The following HTR1F variants were observed in gnomAD, a reference collection of about 807,000 sequenced individuals.
The protein encoded by HTR1F is 5-hydroxytryptamine receptor 1F, also known as 5-hydroxytryptamine (serotonin) receptor 1F, G protein-coupled.
A neutral mutation model predicts 24.0 loss-of-function variants in HTR1F; 17 were observed. That is an observed-to-expected ratio of 0.71 (90% CI 0.48 to 1.06). The LOEUF (loss-of-function observed/expected upper bound fraction) is 1.06. Among genes scored for constraint, HTR1F ranks in the 50% least tolerant of loss-of-function variants. HTR1F has a pLI of 0.00. For synonymous variants in HTR1F, 186 were observed against 156.8 expected (o/e 1.19, Z -1.39); for missense variants, 391 against 427.8 (o/e 0.91, Z 0.76).
chr3:87,846,493 A>T (rs1357023852), intron 2 of HTR1F, among the ~76,000 whole-genome samples: 4 of 151,996 alleles, frequency 2.6e-5, no homozygotes, highest in African/African-American at 9.7e-5. Flanking sequence ...TACCAACTTT[A>T]TACAACTTTA....
intron 2 of HTR1F, among the ~76,000 whole-genome samples, chr3:87,955,305 C>T (rs547413857): frequency 2.0e-5 from 3 of 151,410 alleles, no homozygotes; most frequent in East Asian, 1.9e-4. Context: ...ACAAAATGGA[C>T]CCTTTTTATG....
chr3:87,985,923 T>C (rs1223910123), intron 2 of HTR1F, among the ~76,000 whole-genome samples: 1 of 152,230 alleles, frequency 6.6e-6, no homozygotes, highest in Non-Finnish European at 1.5e-5. Context: ...TGCAGCTAAA[T>C]CAACAAATTG....
At chr3:87,867,809 AG>A (rs1037919691) in intron 2 of HTR1F, among the ~76,000 whole-genome samples, 11 of 152,276 alleles carry the variant, frequency 7.2e-5, no homozygotes, top group African/African-American at 2.6e-4. Context: ...TGTACAAAAT[AG>A]TAGGGGTCTT....
chr3:87,957,420 T>C (rs1396933664), intron 2 of HTR1F, among the ~76,000 whole-genome samples: 1 of 151,330 alleles, frequency 6.6e-6, no homozygotes, highest in Non-Finnish European at 1.5e-5. Flanking sequence ...TCTGTTTTTG[T>C]TTTTTGTGTC....
chr3:87,964,407 C>T (rs1012143691), intron 2 of HTR1F, among the ~76,000 whole-genome samples: 24 of 152,002 alleles, frequency 1.6e-4, no homozygotes, highest in Non-Finnish European at 1.6e-4. Context: ...AGTTAATCAA[C>T]GTAGTTTGGA....
At chr3:87,833,829 T>A (rs1199034321) in intron 2 of HTR1F, among the ~76,000 whole-genome samples, 1 of 152,070 alleles carries the variant, frequency 6.6e-6, no homozygotes, top group East Asian at 1.9e-4. Context: ...TTTTTTTAAG[T>A]CCTTCTTATA....
chr3:87,968,726 TTAAAA>T (rs1705220194), intron 2 of HTR1F, among the ~76,000 whole-genome samples: 2 of 152,206 alleles, frequency 1.3e-5, no homozygotes, highest in South Asian at 4.1e-4. Context: ...CTACAGAAAT[TTAAAA>T]TAACTAATGT....
At chr3:87,893,982 T>G (rs1199138832) in intron 2 of HTR1F, among the ~76,000 whole-genome samples, 1 of 152,072 alleles carries the variant, frequency 6.6e-6, no homozygotes, top group African/African-American at 2.4e-5. Context: ...TTTTTTTTCC[T>G]TTCTGCTTTG....
intron 2 of HTR1F, among the ~76,000 whole-genome samples, chr3:87,860,510 G>GAAA (rs1333320555): frequency 2.0e-5 from 3 of 151,968 alleles, no homozygotes; most frequent in Non-Finnish European, 4.4e-5. Flanking sequence ...TTTTCCCTAT[G>GAAA]AATTGTTATT....
intron 2 of HTR1F, among the ~76,000 whole-genome samples, chr3:87,945,098 T>G (rs1704664778): frequency 6.8e-6 from 1 of 146,796 alleles, no homozygotes; most frequent in Admixed American, 6.7e-5. Flanking sequence ...TCCATCTCTC[T>G]CTCTGTCTCC....
intron 2 of HTR1F, among the ~76,000 whole-genome samples, chr3:87,924,203 CT>C (rs754787526): frequency 3.9e-5 from 6 of 151,980 alleles, no homozygotes; most frequent in Non-Finnish European, 8.8e-5. Context: ...TTTTCTGTTT[CT>C]TCCTGTTCAG....
intron 2 of HTR1F, among the ~76,000 whole-genome samples, chr3:87,857,930 A>T (rs1705231149): frequency 6.6e-6 from 1 of 152,152 alleles, no homozygotes; most frequent in African/African-American, 2.4e-5. Flanking sequence ...TAACACTATT[A>T]TTTTTATTTT....
intron 2 of HTR1F, among the ~76,000 whole-genome samples, chr3:87,968,851 C>A (rs72917716): frequency 0.025 from 3,756 of 152,290 alleles, 132 homozygotes; most frequent in African/African-American, 0.085. Context: ...AAGGCAAAAA[C>A]GGTTTCCTGG....
At chr3:87,833,172 C>T (rs1413004468) in intron 2 of HTR1F, among the ~76,000 whole-genome samples, 1 of 137,848 alleles carries the variant, frequency 7.3e-6, no homozygotes, top group Non-Finnish European at 1.5e-5. Context: ...GTCATTGTTT[C>T]CACTGGCAGA....
intron 2 of HTR1F, among the ~76,000 whole-genome samples, chr3:87,891,875 A>G (rs1390685302): frequency 6.6e-6 from 1 of 152,170 alleles, no homozygotes; most frequent in African/African-American, 2.4e-5. Flanking sequence ...TATAATCACC[A>G]CTGTAATTAG....
intron 2 of HTR1F, among the ~76,000 whole-genome samples, chr3:87,904,968 A>G (rs774311325): frequency 4.6e-5 from 7 of 152,052 alleles, no homozygotes; most frequent in Non-Finnish European, 1.0e-4. Context: ...AAAGCTGTGC[A>G]GTGATGAATT....
At chr3:87,982,312 C>T (rs910588361) in intron 2 of HTR1F, among the ~76,000 whole-genome samples, 1 of 152,112 alleles carries the variant, frequency 6.6e-6, no homozygotes, top group African/African-American at 2.4e-5. Flanking sequence ...TTCTAAAAAT[C>T]TTAAGGGTGT....
chr3:87,946,160 GGC>G (rs1704697083), intron 2 of HTR1F, among the ~76,000 whole-genome samples: 1 of 152,182 alleles, frequency 6.6e-6, no homozygotes. Flanking sequence ...AGCGGCAATG[GGC>G]GCATCGCTGG....
At chr3:87,831,246 A>G (rs552567095) in intron 2 of HTR1F, among the ~76,000 whole-genome samples, 44 of 151,702 alleles carry the variant, frequency 2.9e-4, no homozygotes, top group African/African-American at 9.9e-4. Context: ...GGTGAACAAA[A>G]TATTTTGGTC....
Sources: gnomAD v4.1 joint callset for allele counts (sites outside exome capture counted in the v4.1 genomes callset) on GRCh38, gnomAD v4.1.1 for gene constraint, MANE v1.5 for transcripts, NCBI Gene and HGNC (gene_info 2026-07-23, HGNC 2026-07-21) for gene names.